The following SLC23A2 variants were observed in gnomAD, a reference collection of about 807,000 sequenced individuals.
SLC23A2 encodes the protein Na(+)/L-ascorbic acid transporter 2.
A neutral mutation model predicts 73.3 loss-of-function variants in SLC23A2; 36 were observed. The ratio of observed to expected loss-of-function variants is 0.49; its 90% confidence interval spans 0.38 to 0.65. The LOEUF (loss-of-function observed/expected upper bound fraction) is 0.65, where lower values mean the gene tolerates loss of function less well. Among genes scored for constraint, SLC23A2 ranks in the 30% least tolerant of loss-of-function variants. The probability of loss-of-function intolerance (pLI) is 0.00; values close to 1 mark genes in which losing one functional copy is unlikely to be tolerated. For synonymous variants in SLC23A2, 343 were observed against 327.3 expected, an observed-to-expected ratio of 1.05 and a Z score of -0.52; for missense variants, 507 against 841.6, an observed-to-expected ratio of 0.60 and a Z score of 4.92.
intron 6 of SLC23A2, among the ~76,000 whole-genome samples, chr20:4,896,964 A>G (rs1209676299): frequency 6.6e-6 from 1 of 152,136 alleles, no homozygotes; most frequent in Non-Finnish European, 1.5e-5. Context: ...TCCTGGGCAG[A>G]GCCCTTGGAG....
chr20:4,881,344 T>C (rs1171394176), intron 9 of SLC23A2, among the ~76,000 whole-genome samples: 2 of 152,148 alleles, frequency 1.3e-5, no homozygotes, highest in African/African-American at 4.8e-5. Flanking sequence ...GCGATTTCCT[T>C]GGGGGAAGTG....
chr20:4,885,003 A>T (rs917755412), intron 7 of SLC23A2, among the ~76,000 whole-genome samples, 180 bp from the exon 8 acceptor site: 1 of 152,220 alleles, frequency 6.6e-6, no homozygotes, highest in Admixed American at 6.5e-5. Context: ...CTCAAATGCT[A>T]ATTTAACCAA....
At chr20:4,864,562 T>C (rs1288840395) in intron 13 of SLC23A2, among the ~76,000 whole-genome samples, 1 of 152,212 alleles carries the variant, frequency 6.6e-6, no homozygotes, top group East Asian at 1.9e-4. Flanking sequence ...AAGGCTTTCA[T>C]TTACTAATGG....
intron 3 of SLC23A2, among the ~76,000 whole-genome samples, chr20:4,918,963 A>G (rs1236177832): frequency 1.3e-5 from 2 of 152,046 alleles, no homozygotes; most frequent in Non-Finnish European, 2.9e-5. Context: ...ATCCAAATCT[A>G]CTCCACAATT....
At chr20:4,889,792 A>G (rs1318351538) in intron 6 of SLC23A2, among the ~76,000 whole-genome samples, 2 of 152,080 alleles carry the variant, frequency 1.3e-5, no homozygotes, top group Non-Finnish European at 2.9e-5. Context: ...CTCAGCACCA[A>G]TGAATACTTA....
chr20:4,929,973 C>T (rs1203856989), intron 3 of SLC23A2, among the ~76,000 whole-genome samples: 3 of 152,138 alleles, frequency 2.0e-5, no homozygotes, highest in Non-Finnish European at 4.4e-5. Context: ...ATCCACAGAC[C>T]ATCAGTGTAT....
At chr20:4,878,711 ATAAT>A (rs2122815720) in intron 9 of SLC23A2, among the ~76,000 whole-genome samples, 1 of 152,330 alleles carries the variant, frequency 6.6e-6, no homozygotes, top group Admixed American at 6.5e-5. Context: ...TTTCCCAAAA[ATAAT>A]TAGTTTTTCC....
At chr20:4,874,375 G>A (rs186798709) in intron 10 of SLC23A2, among the ~76,000 whole-genome samples, 132 of 152,256 alleles carry the variant, frequency 8.7e-4, no homozygotes, top group Non-Finnish European at 1.6e-3. Context: ...CCCTTCCTTC[G>A]GCACTGCTAA....
chr20:4,873,863 T>C, intron 11 of SLC23A2, 73 bp downstream of exon 11: 2 of 1,447,684 alleles, frequency 1.4e-6, no homozygotes, highest in Non-Finnish European at 1.9e-6. Context: ...AAGACGGCTG[T>C]TCTGCCAAAT....
chr20:5,005,248 A>T (rs969828599), upstream of SLC23A2, among the ~76,000 whole-genome samples: 6 of 152,016 alleles, frequency 3.9e-5, no homozygotes, highest in Admixed American at 6.6e-5. Context: ...CAGTGCATGA[A>T]TATGTAGGTG....
intron 1 of SLC23A2, among the ~76,000 whole-genome samples, chr20:4,972,869 CCACT>C (rs2087586417): frequency 2.0e-5 from 3 of 152,052 alleles, no homozygotes; most frequent in African/African-American, 7.3e-5. Flanking sequence ...CAGGCACAAG[CCACT>C]ATGCCAAGCC....
chr20:4,918,502 G>A (rs1932400348), intron 3 of SLC23A2, among the ~76,000 whole-genome samples: 1 of 152,112 alleles, frequency 6.6e-6, no homozygotes, highest in Non-Finnish European at 1.5e-5. Flanking sequence ...TTTTGCTTGT[G>A]TTTTATTTTT....
At chr20:4,974,631 G>A (rs2087615375) in intron 1 of SLC23A2, among the ~76,000 whole-genome samples, 1 of 151,968 alleles carries the variant, frequency 6.6e-6, no homozygotes, top group African/African-American at 2.4e-5. Context: ...TGTTTTTTAA[G>A]TTTATTTTTA....
chr20:4,870,120 C>T, intron 11 of SLC23A2, 67 bp from the exon 12 acceptor site: 1 of 1,343,980 alleles, frequency 7.4e-7, no homozygotes, highest in Non-Finnish European at 1.0e-6. Flanking sequence ...ACCAGTTACC[C>T]AAAGTCATTC....
chr20:4,960,940 T>A (rs1367813592), intron 2 of SLC23A2, among the ~76,000 whole-genome samples: 1 of 152,168 alleles, frequency 6.6e-6, no homozygotes, highest in Admixed American at 6.5e-5. Flanking sequence ...AACCAAAGAC[T>A]ATCTATCTTT....
At chr20:4,987,988 C>T (rs1157042956) in intron 1 of SLC23A2, among the ~76,000 whole-genome samples, 4 of 147,824 alleles carry the variant, frequency 2.7e-5, no homozygotes, top group South Asian at 2.2e-4. Context: ...AAGTACTCCA[C>T]GATGCATTAA....
chr20:4,870,058 G>A lies in SLC23A2; in HGVS notation c.1103-5C>T. On this transcript the variant is annotated splice_polypyrimidine_tract_variant and splice_region_variant and intron_variant, in intron 11 of 16. Transcript: ENST00000338244. ...CGGTGGGCAGTCCCCACTGAACTGT[G>A]GGAGGAAAACAACCATGAATGCTCC... 6.3e-7 allele frequency: 1 copy of A among 1,589,386 alleles called. No homozygotes were observed.
chr20:4,873,824 G>T, intron 11 of SLC23A2, 112 bp downstream of exon 11: 1 of 1,077,058 alleles, frequency 9.3e-7, no homozygotes, highest in Non-Finnish European at 1.3e-6. Flanking sequence ...GACCAGAATG[G>T]CAAGGCCTTC....
At chr20:4,870,778 G>A (rs1340296039) in intron 11 of SLC23A2, among the ~76,000 whole-genome samples, 1 of 152,130 alleles carries the variant, frequency 6.6e-6, no homozygotes, top group East Asian at 1.9e-4. Context: ...CCCAGGGGAG[G>A]ACATCAAGTG....
Sources: allele counts gnomAD v4.1 joint callset (sites outside exome capture counted in the v4.1 genomes callset), GRCh38; gene constraint gnomAD v4.1.1; transcripts MANE v1.5; gene names NCBI Gene and HGNC (gene_info 2026-07-23, HGNC 2026-07-21).